ACOXL: variants seen among roughly 807,000 people sequenced by gnomAD.
ACOXL encodes the protein acyl-coenzyme A oxidase-like protein.
Under a neutral mutation model 71.9 loss-of-function variants are expected in ACOXL, and 70 were observed. The ratio of observed to expected loss-of-function variants is 0.97; its 90% CI spans 0.80 to 1.19. The LOEUF (loss-of-function observed/expected upper bound fraction) is 1.19, where lower values mean the gene tolerates loss of function less well. Among genes scored for constraint, ACOXL ranks in the 50% most tolerant of loss-of-function variants. The probability of loss-of-function intolerance (pLI) is 0.00; values close to 1 mark genes in which losing one functional copy is unlikely to be tolerated. For synonymous variants in ACOXL, 253 were observed against 281.6 expected, an observed-to-expected ratio of 0.90 and a Z score of 1.02; for missense variants, 703 against 736.3, an observed-to-expected ratio of 0.95 and a Z score of 0.52.
At chr2:110,880,153 C>CAAAAAAAAA (rs56852121) in intron 10 of ACOXL, among the ~76,000 whole-genome samples, 41 of 84,708 alleles carry the variant, frequency 4.8e-4, no homozygotes, top group African/African-American at 7.8e-4. Context: ...CTGTCACAAA[C>CAAAAAAAAA]AAAAAAAAAA....
chr2:111,095,957 A>G (rs2068778199), intron 17 of ACOXL, among the ~76,000 whole-genome samples: 1 of 152,224 alleles, frequency 6.6e-6, no homozygotes, highest in African/African-American at 2.4e-5. Context: ...ACCTCTTTGC[A>G]GGGATCTCAA....
At chr2:110,966,433 T>C (rs947535537) in intron 12 of ACOXL, among the ~76,000 whole-genome samples, 1 of 152,218 alleles carries the variant, frequency 6.6e-6, no homozygotes, top group African/African-American at 2.4e-5. Context: ...TAGTCACTAC[T>C]CTGTGTTCTC....
At chr2:110,850,986 G>A (rs1692528895) in intron 10 of ACOXL, among the ~76,000 whole-genome samples, 1 of 152,100 alleles carries the variant, frequency 6.6e-6, no homozygotes, top group Admixed American at 6.5e-5. Flanking sequence ...GCAATAAAAA[G>A]ACATTCTGCT....
intron 1 of ACOXL, among the ~76,000 whole-genome samples, chr2:110,749,882 CCT>C (rs1678698475): frequency 6.6e-6 from 1 of 152,150 alleles, no homozygotes; most frequent in Admixed American, 6.5e-5. Context: ...TGTGACAGTT[CCT>C]CTGTCTTTCA....
At chr2:110,827,046 G>A (rs578152324) in intron 9 of ACOXL, among the ~76,000 whole-genome samples, 20 of 152,270 alleles carry the variant, frequency 1.3e-4, no homozygotes, top group Non-Finnish European at 2.4e-4. Flanking sequence ...CAGACTCCAT[G>A]CAGCTTAATG....
chr2:111,004,860 CTGTGTT>C (rs1391264109), intron 14 of ACOXL, among the ~76,000 whole-genome samples: 12 of 152,128 alleles, frequency 7.9e-5, no homozygotes, highest in African/African-American at 2.7e-4. Flanking sequence ...AGCAGCCACT[CTGTGTT>C]TGTTAGGTTT....
At position 110,885,520 on chromosome 2, in the gene ACOXL, A is replaced by G. The variant is rs1054554076; in HGVS notation, c.789-23269A>G. Among the ~76,000 whole-genome samples, 5 of 152,206 alleles carry G rather than the reference A, an allele frequency of 3.3e-5. No homozygotes were observed. In the East Asian group the frequency reaches 9.6e-4, roughly 29 times the overall value. ...TACAATTTGTTATGCTTCGTATTTC[A>G]TATTTGCATCATTTTAAGACTGGAG... On this transcript the variant is annotated intron_variant, in intron 10 of 17. Coordinates refer to ENST00000439055, the MANE Select transcript of ACOXL (RefSeq NM_001142807.4).
chr2:110,822,335 G>C (rs2105527979), intron 9 of ACOXL, among the ~76,000 whole-genome samples: 1 of 152,174 alleles, frequency 6.6e-6, no homozygotes, highest in East Asian at 1.9e-4. Flanking sequence ...CTTTCTCCTT[G>C]CTTGTCTGTA....
intron 11 of ACOXL, among the ~76,000 whole-genome samples, chr2:110,930,036 C>A (rs955249151): frequency 1.3e-5 from 2 of 152,218 alleles, no homozygotes; most frequent in East Asian, 3.8e-4. Flanking sequence ...GAGTCCCCAT[C>A]GGGGTACTGC....
In ACOXL at chr2:110,987,218, G is replaced by A; in HGVS notation, c.1169+1G>A. The A allele has an allele frequency of 6.4e-7, 1 of 1,566,426 alleles. No homozygotes were observed. Among genetic ancestry groups the A allele is most frequent in the Non-Finnish European group, 8.7e-7 (1 of 1,153,120 alleles). On this transcript the variant is annotated splice_donor_variant, in intron 13 of 17. Coordinates refer to ENST00000439055, the MANE Select transcript of ACOXL (RefSeq NM_001142807.4). LOFTEE classifies it high-confidence loss of function. ...CTGTGGGGGACAAGCTGAGAACCAGGTACGTATTACTCAGGCCATCATCAT... is the reference window on the plus strand; with the variant it reads ...CTGTGGGGGACAAGCTGAGAACCAGATACGTATTACTCAGGCCATCATCAT...
intron 10 of ACOXL, among the ~76,000 whole-genome samples, chr2:110,850,823 A>C (rs560841739): frequency 6.6e-6 from 1 of 152,330 alleles, no homozygotes; most frequent in African/African-American, 2.4e-5. Flanking sequence ...CGGATACTTA[A>C]AGGAGAGAAA....
chr2:110,828,955 G>C (rs2105605130), intron 9 of ACOXL, among the ~76,000 whole-genome samples: 1 of 152,132 alleles, frequency 6.6e-6, no homozygotes, highest in East Asian at 1.9e-4. Context: ...GGGATTACAG[G>C]CATGCACCAC....
At chr2:110,760,341 T>G in intron 1 of ACOXL, among the ~76,000 whole-genome samples, 1 of 152,154 alleles carries the variant, frequency 6.6e-6, no homozygotes, top group East Asian at 1.9e-4. Flanking sequence ...AAACGGGGTT[T>G]CACCGTGTTA....
chr2:110,848,401 T>A (rs936058081), intron 10 of ACOXL, among the ~76,000 whole-genome samples: 5 of 152,220 alleles, frequency 3.3e-5, no homozygotes, highest in African/African-American at 1.2e-4. Context: ...CAAAGCCATC[T>A]TTTGGATGGT....
intron 3 of ACOXL, among the ~76,000 whole-genome samples, chr2:110,791,122 C>T (rs1684598249): frequency 6.6e-6 from 1 of 152,254 alleles, no homozygotes; most frequent in Non-Finnish European, 1.5e-5. Flanking sequence ...GCATTTGGCC[C>T]AGCTTGGTTG....
chr2:110,868,346 C>G (rs1694865412), intron 10 of ACOXL, among the ~76,000 whole-genome samples: 1 of 152,154 alleles, frequency 6.6e-6, no homozygotes, highest in Non-Finnish European at 1.5e-5. Context: ...AGTCTTTTCT[C>G]TGGATCTGGG....
At chr2:111,032,958 A>G (rs967267811) in intron 15 of ACOXL, among the ~76,000 whole-genome samples, 2 of 152,158 alleles carry the variant, frequency 1.3e-5, no homozygotes, top group Non-Finnish European at 2.9e-5. Context: ...CCTTCCTTCT[A>G]AGGACCAGCT....
At chr2:111,022,365 C>CA (rs1011738147) in intron 14 of ACOXL, among the ~76,000 whole-genome samples, 40 of 149,696 alleles carry the variant, frequency 2.7e-4, no homozygotes, top group Admixed American at 1.5e-3. Context: ...AACTCCATAT[C>CA]AAAAAAAAGA....
chr2:110,916,815 G>T (rs1052107035), intron 11 of ACOXL, among the ~76,000 whole-genome samples: 1 of 152,100 alleles, frequency 6.6e-6, no homozygotes, highest in African/African-American at 2.4e-5. Flanking sequence ...TAGAAGAAAT[G>T]GATAAATTCC....
Sources: allele counts gnomAD v4.1 joint callset (sites outside exome capture counted in the v4.1 genomes callset), GRCh38; gene constraint gnomAD v4.1.1; transcripts MANE v1.5; gene names NCBI Gene and HGNC (gene_info 2026-07-23, HGNC 2026-07-21).